Variants in SLIT3 observed in about 807,000 individuals in gnomAD.
The protein encoded by SLIT3 is slit guidance ligand 3.
SLIT3 carries 68 observed loss-of-function variants against 184.0 expected under a neutral mutation model. The ratio of observed to expected loss-of-function variants is 0.37; its 90% CI spans 0.30 to 0.45. The LOEUF (loss-of-function observed/expected upper bound fraction) is 0.45, where lower values mean the gene tolerates loss of function less well. Ranked by LOEUF, SLIT3 falls within the 20% of genes least tolerant of loss-of-function variation. The pLI is 1.00. For missense variants in SLIT3, 1,707 were observed against 2,026.0 expected (o/e 0.84, Z 3.02); for synonymous variants, 831 against 828.6 (o/e 1.00, Z -0.05).
intron 4 of SLIT3, among the ~76,000 whole-genome samples, chr5:168,941,433 G>C (rs958642608): frequency 6.6e-6 from 1 of 152,120 alleles, no homozygotes; most frequent in African/African-American, 2.4e-5. Flanking sequence ...GTTGTTTTTA[G>C]TATGAAATGG....
At chr5:168,692,383 T>G (rs1236700637) in intron 29 of SLIT3, among the ~76,000 whole-genome samples, 1 of 152,154 alleles carries the variant, frequency 6.6e-6, no homozygotes, top group Non-Finnish European at 1.5e-5. Context: ...TCTCTCTCCC[T>G]ACCTACCTGT....
intron 4 of SLIT3, among the ~76,000 whole-genome samples, chr5:169,178,042 T>C (rs971763977): frequency 2.6e-5 from 4 of 152,248 alleles, no homozygotes; most frequent in Non-Finnish European, 4.4e-5. Context: ...GCAGTCCTAG[T>C]GCTTTGGTAG....
In SLIT3 at chr5:168,821,133, G is replaced by A. The variant is rs370432507; in HGVS notation, c.629+2127C>T. On this transcript the variant is annotated intron_variant, in intron 7 of 35. Coordinates refer to ENST00000519560, the MANE Select transcript of SLIT3 (RefSeq NM_003062.4). ...ATCTGAACTCATCAGATGAATGTTC[G>A]GGATGGCAGAGAAGAATGACAACAG... 5.3e-5 allele frequency among the ~76,000 whole-genome samples: 8 copies of A among 152,176 alleles called. No homozygotes were observed. The East Asian group carries it at 5.8e-4, about 11-fold the overall frequency.
chr5:169,090,690 T>G (rs1759548410), intron 4 of SLIT3, among the ~76,000 whole-genome samples: 1 of 152,156 alleles, frequency 6.6e-6, no homozygotes, highest in Non-Finnish European at 1.5e-5. Context: ...TGGATGGGCT[T>G]CATAGACAGA....
chr5:168,898,876 C>G (rs1456370537), intron 4 of SLIT3, among the ~76,000 whole-genome samples: 1 of 152,134 alleles, frequency 6.6e-6, no homozygotes, highest in African/African-American at 2.4e-5. Flanking sequence ...AACCAGAGCT[C>G]CCTGGTACAC....
intron 4 of SLIT3, among the ~76,000 whole-genome samples, chr5:168,939,609 C>T (rs955907087): frequency 2.6e-5 from 4 of 152,192 alleles, no homozygotes; most frequent in Non-Finnish European, 2.9e-5. Flanking sequence ...TTAAGCACCT[C>T]GATGGGTCAC....
chr5:168,889,845 C>A (rs949998326), intron 4 of SLIT3, among the ~76,000 whole-genome samples: 2 of 152,124 alleles, frequency 1.3e-5, no homozygotes, highest in African/African-American at 4.8e-5. Flanking sequence ...CATCTAGACA[C>A]CTCAAAAAGT....
intron 8 of SLIT3, among the ~76,000 whole-genome samples, chr5:168,808,825 G>A (rs1264666183): frequency 1.3e-5 from 2 of 152,226 alleles, no homozygotes; most frequent in South Asian, 4.1e-4. Context: ...GGAGCAGTTG[G>A]CCTCAGATGT....
intron 4 of SLIT3, among the ~76,000 whole-genome samples, chr5:168,926,033 A>T (rs1249827160): frequency 1.3e-5 from 2 of 152,216 alleles, no homozygotes; most frequent in Non-Finnish European, 2.9e-5. Flanking sequence ...GTTCTCAGTG[A>T]TAACACTGCT....
At chr5:168,974,412 G>C (rs1754682522) in intron 4 of SLIT3, among the ~76,000 whole-genome samples, 1 of 152,226 alleles carries the variant, frequency 6.6e-6, no homozygotes, top group Admixed American at 6.5e-5. Context: ...AAAGAAAACA[G>C]ACTTTTAAAA....
At chr5:169,170,732 A>G (rs1012340298) in intron 4 of SLIT3, among the ~76,000 whole-genome samples, 13 of 151,442 alleles carry the variant, frequency 8.6e-5, no homozygotes, top group African/African-American at 2.2e-4. Flanking sequence ...TAGTCAGCTC[A>G]TTTTTAAAAA....
chr5:168,981,299 A>T (rs1051740204), intron 4 of SLIT3, among the ~76,000 whole-genome samples: 2 of 152,144 alleles, frequency 1.3e-5, no homozygotes, highest in African/African-American at 4.8e-5. Context: ...ACTACGCAAC[A>T]GTTCAGATTT....
chr5:169,110,523 C>A (rs1274919532), intron 4 of SLIT3, among the ~76,000 whole-genome samples: 2 of 152,146 alleles, frequency 1.3e-5, no homozygotes, highest in African/African-American at 4.8e-5. Context: ...TACCCTACAT[C>A]ATTTTTCATT....
At chr5:169,061,566 C>A (rs1367626037) in intron 4 of SLIT3, among the ~76,000 whole-genome samples, 1 of 152,220 alleles carries the variant, frequency 6.6e-6, no homozygotes, top group Non-Finnish European at 1.5e-5. Flanking sequence ...CTGCGTGGCA[C>A]CTAATGCCTG....
At chr5:168,733,285 C>A (rs1375154943) in intron 20 of SLIT3, among the ~76,000 whole-genome samples, 1 of 151,986 alleles carries the variant, frequency 6.6e-6, no homozygotes, top group Non-Finnish European at 1.5e-5. Flanking sequence ...AGTCTAAAAA[C>A]AACAGATTTT....
At chr5:168,901,256 C>T (rs534024534) in intron 4 of SLIT3, among the ~76,000 whole-genome samples, 4 of 151,988 alleles carry the variant, frequency 2.6e-5, no homozygotes, top group Non-Finnish European at 4.4e-5. Context: ...CCCAGCTACT[C>T]GGGAGGCTGA....
intron 4 of SLIT3, among the ~76,000 whole-genome samples, chr5:168,979,878 A>G (rs1754891940): frequency 6.6e-6 from 1 of 152,166 alleles, no homozygotes; most frequent in Admixed American, 6.5e-5. Context: ...AAACAGATGA[A>G]AGGGAGGTGC....
intron 4 of SLIT3, among the ~76,000 whole-genome samples, chr5:168,961,214 C>T (rs1457429009): frequency 1.3e-5 from 2 of 152,138 alleles, no homozygotes; most frequent in Non-Finnish European, 2.9e-5. Flanking sequence ...CCCTAGGTAA[C>T]AGGACATAAT....
At chr5:168,861,085 A>T (rs1205555471) in intron 5 of SLIT3, among the ~76,000 whole-genome samples, 1 of 152,184 alleles carries the variant, frequency 6.6e-6, no homozygotes, top group African/African-American at 2.4e-5. Flanking sequence ...AAAAGGAGAA[A>T]TTTAGACCGT....
Sources: gnomAD v4.1 joint callset for allele counts (sites outside exome capture counted in the v4.1 genomes callset) on GRCh38, gnomAD v4.1.1 for gene constraint, MANE v1.5 for transcripts, NCBI Gene and HGNC (gene_info 2026-07-23, HGNC 2026-07-21) for gene names.